MACF1: variants seen among roughly 807,000 people sequenced by gnomAD.
MACF1 encodes the protein microtubule actin crosslinking factor 1.
In MACF1, 193 loss-of-function variants were observed where a neutral mutation model predicts 854.8. The observed-to-expected ratio is 0.23, with a 90% CI of 0.20 to 0.25. The LOEUF (loss-of-function observed/expected upper bound fraction) is 0.25. MACF1 is among the 10% of genes least tolerant of loss of function. MACF1 has a pLI of 1.00. For missense variants in MACF1, 7,722 were observed against 8,929.1 expected, an observed-to-expected ratio of 0.86 and a Z score of 5.45; for synonymous variants, 3,185 against 3,226.7, an observed-to-expected ratio of 0.99 and a Z score of 0.44.
Position 39,430,735 on chromosome 1 carries a change from G to A in MACF1, c.17164G>A (p.Val5722Met). Residue 5722 changes from valine (V) to methionine (M), a missense_variant, in exon 66 of 101, where the codon GTG becomes ATG. By Grantham distance (21) the Val-to-Met change is conservative. Coordinates refer to ENST00000564288, the MANE Select transcript of MACF1 (RefSeq NM_001394062.1). ...LKKEVMEHRLVLDTVNEVSRA... is the reference protein window; with the variant it reads ...LKKEVMEHRLMLDTVNEVSRA... ...GAAGGAGGTCATGGAGCACAGGCTGGTGTTGGACACAGTGAATGAGGTGAG... is the reference window on the plus strand; with the variant it reads ...GAAGGAGGTCATGGAGCACAGGCTGATGTTGGACACAGTGAATGAGGTGAG... The A allele has an allele frequency of 2.5e-6, 4 of 1,612,200 alleles. No individual in the cohort carries two copies. The highest frequency in any genetic ancestry group is 3.4e-6 in the Non-Finnish European group (4 of 1,179,980).
chr1:39,173,168 C>T (rs1053435403), intron 2 of MACF1, among the ~76,000 whole-genome samples: 8 of 151,776 alleles, frequency 5.3e-5, no homozygotes, highest in African/African-American at 1.9e-4. Flanking sequence ...GGTGAAATCC[C>T]GTCTCTACTA....
At chr1:39,134,228 A>G (rs1321485978) in intron 2 of MACF1, among the ~76,000 whole-genome samples, 1 of 146,402 alleles carries the variant, frequency 6.8e-6, no homozygotes, top group Non-Finnish European at 1.5e-5. Flanking sequence ...TTGTATTTTT[A>G]GTAGAGACGG....
At chr1:39,284,234 AGTCTCCAAGCTTATCAC>A in intron 10 of MACF1, 49 bp downstream of exon 10, 1 of 1,601,782 alleles carries the variant, frequency 6.2e-7, no homozygotes. Context: ...CTAGGGAGTA[AGTCTCCAAGCTTATCAC>A]TGCTGGCTTC....
chr1:39,188,352 A>G (rs1158178683), intron 2 of MACF1, among the ~76,000 whole-genome samples: 2 of 152,148 alleles, frequency 1.3e-5, no homozygotes, highest in African/African-American at 4.8e-5. Context: ...AAGCTGTAGT[A>G]AGCTGAGACT....
intron 1 of MACF1, among the ~76,000 whole-genome samples, chr1:39,220,543 C>T (rs1179609322): frequency 1.4e-5 from 2 of 141,222 alleles, no homozygotes; most frequent in Non-Finnish European, 3.0e-5. Context: ...AGTGCAGTGG[C>T]GCAATCTCAG....
At chr1:39,180,279 A>G (rs1156896009) in intron 2 of MACF1, among the ~76,000 whole-genome samples, 2 of 152,116 alleles carry the variant, frequency 1.3e-5, no homozygotes, top group East Asian at 1.9e-4. Context: ...TACTAATGCA[A>G]AGATTTATTT....
chr1:39,176,932 T>C (rs1644037360), intron 2 of MACF1, among the ~76,000 whole-genome samples: 1 of 152,208 alleles, frequency 6.6e-6, no homozygotes, highest in Non-Finnish European at 1.5e-5. Flanking sequence ...TTTTTTTCTT[T>C]TGTTTAATTT....
At chr1:39,189,269 A>G (rs1383940744) in intron 2 of MACF1, among the ~76,000 whole-genome samples, 1 of 152,212 alleles carries the variant, frequency 6.6e-6, no homozygotes, top group Non-Finnish European at 1.5e-5. Flanking sequence ...GGCACTTAGC[A>G]GAGAGAAAGA....
At chr1:39,356,698 G>A (rs1165757092) in intron 44 of MACF1, among the ~76,000 whole-genome samples, 1 of 152,124 alleles carries the variant, frequency 6.6e-6, no homozygotes, top group African/African-American at 2.4e-5. Context: ...ATTGTCACAT[G>A]TATGATTTAT....
At chr1:39,467,707 G>A (rs377377172) in intron 95 of MACF1, 1 of 152,158 alleles carries the variant, frequency 6.6e-6, no homozygotes, top group Admixed American at 6.5e-5. Flanking sequence ...CTCAATTTTA[G>A]TATAAATATG....
intron 58 of MACF1, chr1:39,410,913 C>T (rs748485259): frequency 1.9e-6 from 3 of 1,613,976 alleles, no homozygotes; most frequent in South Asian, 2.2e-5. Context: ...GTGGAGACTG[C>T]CAGGACTTTA....
rs556813117 is a variant in MACF1 at position 39,487,127 on chromosome 1, T to C, written c.*1333T>C. 3.3e-5 allele frequency: 5 copies of C among 152,388 alleles called. No individual in the cohort carries two copies. Among genetic ancestry groups the C allele is most frequent in the African/African-American group, 9.6e-5 (4 of 41,592 alleles). 9.4% of individuals were successfully genotyped at this position (152,388 alleles called of 1,614,324 possible). On this transcript the variant is annotated 3_prime_UTR_variant, in exon 101 of 101. Transcript: ENST00000564288. ...ATAAATTATAGAGCTTAATAGATCT[T>C]GTTTTATTTCATCCTTGTTAATTTT...
intron 35 of MACF1, among the ~76,000 whole-genome samples, chr1:39,326,120 A>G (rs1175516671): frequency 6.6e-6 from 1 of 152,160 alleles, no homozygotes; most frequent in Non-Finnish European, 1.5e-5. Context: ...GCCTCTGAAG[A>G]AAAGAAACTT....
Position 39,315,511 on chromosome 1 carries a change from A to G in MACF1, c.3271-2A>G. 4 of 1,613,850 alleles carry G rather than the reference A, an allele frequency of 2.5e-6. No individual in the cohort carries two copies. The highest frequency in any genetic ancestry group is 3.4e-6 in the Non-Finnish European group (4 of 1,179,820). On this transcript the variant is annotated splice_acceptor_variant, in intron 26 of 100. Transcript: ENST00000564288. LOFTEE classifies it high-confidence loss of function. ...TCTTTATGTGTGTCTTGTTCCTGGC[A>G]GCACACCCAGGAGGATTTACAGCAA...
chr1:39,228,380 A>G (rs1370386432), intron 1 of MACF1, among the ~76,000 whole-genome samples: 1 of 152,174 alleles, frequency 6.6e-6, no homozygotes, highest in East Asian at 1.9e-4. Context: ...AGAGATGAAG[A>G]GGAAGAGAAG....
rs1304645418 is a variant in MACF1 at position 39,210,516 on chromosome 1, C to G, written c.109+5385C>G. The stretch of plus-strand genomic sequence containing the variant: ...TGCCTGGCTCTTTTTCTTTCCTTTG[C>G]ATTTTTTTTTTCTTAAAGATTTGTA... On this transcript the variant is annotated intron_variant, in intron 1 of 100. Coordinates refer to ENST00000564288, the MANE Select transcript of MACF1 (RefSeq NM_001394062.1). 5.3e-5 allele frequency among the ~76,000 whole-genome samples: 8 copies of G among 151,800 alleles called. No homozygotes were observed. The East Asian group carries it at 1.5e-3, about 29-fold the overall frequency.
Position 39,333,128 on chromosome 1 carries a change from T to A in MACF1, c.6540T>A (p.Thr2180=), listed in dbSNP as rs1285448571. ...ATGAACAAGCACACACTCTTGAGAC[T>A]GAATATATTCATGATGAAACTGGAG... is the stretch of plus-strand genomic sequence containing the variant. The part of the protein sequence containing the change: ...CQNEQAHTLE[T]EYIHDETGGS... The change falls in exon 37 of 101, where the codon ACT becomes ACA. Residue 2180 remains threonine, a synonymous_variant. Transcript: ENST00000564288. 1.9e-6 allele frequency: 3 copies of A among 1,613,990 alleles called. No individual in the cohort carries two copies. The African/African-American group carries it at 4.0e-5, about 22-fold the overall frequency.
At chr1:39,096,913 G>C (rs1163936429) in intron 2 of MACF1, among the ~76,000 whole-genome samples, 1 of 124,170 alleles carries the variant, frequency 8.1e-6, no homozygotes, top group Non-Finnish European at 1.6e-5. Flanking sequence ...CTCTTGCTCT[G>C]TCACCCACGC....
chr1:39,450,114 G>A (rs1260683848), intron 84 of MACF1, among the ~76,000 whole-genome samples: 1 of 150,904 alleles, frequency 6.6e-6, no homozygotes, highest in East Asian at 2.0e-4. Flanking sequence ...CACCTGCCTC[G>A]GCGTCCCAAA....
Sources: allele counts gnomAD v4.1 joint callset (sites outside exome capture counted in the v4.1 genomes callset), GRCh38; gene constraint gnomAD v4.1.1; transcripts MANE v1.5; gene names NCBI Gene and HGNC (gene_info 2026-07-23, HGNC 2026-07-21).